CLASP1: variants seen among roughly 807,000 people sequenced by gnomAD.
CLASP1 encodes the protein CLIP-associating protein 1.
In CLASP1, 38 loss-of-function variants were observed where a neutral mutation model predicts 192.3. The observed-to-expected ratio is 0.20, with a 90% confidence interval of 0.15 to 0.26. The LOEUF (loss-of-function observed/expected upper bound fraction) is 0.26, where lower values mean the gene tolerates loss of function less well. Ranked by LOEUF, CLASP1 falls within the 10% of genes least tolerant of loss-of-function variation. The pLI, the probability that CLASP1 is intolerant of heterozygous loss-of-function variation, is 1.00. For synonymous variants in CLASP1, 691 were observed against 712.8 expected, an observed-to-expected ratio of 0.97 and a Z score of 0.49; for missense variants, 1,433 against 1,932.5, an observed-to-expected ratio of 0.74 and a Z score of 4.85.
At position 121,633,028 on chromosome 2, in the gene CLASP1, A is replaced by ATATATATATATATATATATATATATATG. The variant is rs71398039; in HGVS notation, c.-286+16343_-286+16344insCATATATATATATATATATATATATATA. Among the ~76,000 whole-genome samples, 738 of 137,140 alleles carry ATATATATATATATATATATATATATATG rather than the reference A, an allele frequency of 5.4e-3. 20 individuals carry two copies. Among genetic ancestry groups the ATATATATATATATATATATATATATATG allele is most frequent in the African/African-American group, 9.4e-3 (322 of 34,112 alleles). The allele number at this position is 137,140 out of a possible 152,430, so 90.0% of individuals were successfully genotyped here. ...TGTGCATATATATATATATATATAT[A>ATATATATATATATATATATATATATATG]GGCTTTTTTTCATGAATATAATTAA... On this transcript the variant is annotated intron_variant, in intron 1 of 39. Coordinates refer to ENST00000263710, the Ensembl canonical transcript of CLASP1.
At chr2:121,372,197 C>A (rs927180031) in intron 34 of CLASP1, among the ~76,000 whole-genome samples, 5 of 152,196 alleles carry the variant, frequency 3.3e-5, no homozygotes, top group African/African-American at 1.2e-4. Flanking sequence ...GGAGCCCTTT[C>A]ATTTCATATG....
At chr2:121,632,179 G>C (rs2069818851) in intron 1 of CLASP1, among the ~76,000 whole-genome samples, 1 of 152,210 alleles carries the variant, frequency 6.6e-6, no homozygotes, top group Non-Finnish European at 1.5e-5. Context: ...GGGAGGCAGA[G>C]GTTGCAGTGA....
intron 1 of CLASP1, among the ~76,000 whole-genome samples, chr2:121,638,571 A>G (rs377760347): frequency 1.3e-5 from 2 of 152,344 alleles, no homozygotes; most frequent in East Asian, 3.9e-4. Context: ...GAGCAGAAAC[A>G]AGCCAACGTC....
exon 17 of CLASP1, chr2:121,448,995 G>C: frequency 6.2e-7 from 1 of 1,613,954 alleles, no homozygotes; most frequent in Non-Finnish European, 8.5e-7. Context: ...GTCTGACTGA[G>C]GCAGAGACAC....
chr2:121,458,529 C>T lies in CLASP1; in HGVS notation c.1314+311G>A, dbSNP rs774981598. The stretch of plus-strand genomic sequence containing the variant: ...AGGAGGTAAGACTAAGAGTAATATC[C>T]GAGTAACAAGAATACAATATAAACT... On this transcript the variant is annotated intron_variant, in intron 13 of 39. Coordinates refer to ENST00000263710, the Ensembl canonical transcript of CLASP1. Among the ~76,000 whole-genome samples the T allele has an allele frequency of 5.3e-5, 8 of 152,018 alleles. No individual in the cohort carries two copies. In the East Asian group the frequency reaches 7.7e-4, roughly 15 times the overall value.
intron 6 of CLASP1, among the ~76,000 whole-genome samples, chr2:121,523,096 G>A (rs2094494134): frequency 6.6e-6 from 1 of 152,226 alleles, no homozygotes; most frequent in African/African-American, 2.4e-5. Context: ...GGCTCAAGAT[G>A]CAAGTGACCC....
chr2:121,430,174 C>A, exon 20 of CLASP1: 1 of 1,562,384 alleles, frequency 6.4e-7, no homozygotes, highest in Non-Finnish European at 8.7e-7. Flanking sequence ...TGTGCGGATC[C>A]GACCTGGAGG....
intron 14 of CLASP1, among the ~76,000 whole-genome samples, chr2:121,454,922 T>C (rs2086299215): frequency 6.6e-6 from 1 of 152,216 alleles, no homozygotes; most frequent in African/African-American, 2.4e-5. Context: ...TACGTAATGA[T>C]TGTGAATCCT....
At chr2:121,342,992 G>A (rs577744937) in intron 39 of CLASP1, among the ~76,000 whole-genome samples, 1 of 152,122 alleles carries the variant, frequency 6.6e-6, no homozygotes, top group Admixed American at 6.5e-5. Context: ...GGAGCTTCTG[G>A]CCTCAAGTGA....
At chr2:121,536,692 G>A (rs10084185) in intron 2 of CLASP1, among the ~76,000 whole-genome samples, 18,676 of 152,200 alleles carry the variant, frequency 0.12, 1,530 homozygotes, top group African/African-American at 0.22. Context: ...CAGTCACAAA[G>A]ACAAATATTG....
At chr2:121,609,356 G>C (rs764350004) in intron 1 of CLASP1, among the ~76,000 whole-genome samples, 9 of 152,112 alleles carry the variant, frequency 5.9e-5, no homozygotes, top group Non-Finnish European at 1.2e-4. Context: ...CTCAAAAACA[G>C]GTCACAAATT....
intron 37 of CLASP1, among the ~76,000 whole-genome samples, chr2:121,352,570 G>C (rs1173980095): frequency 6.6e-6 from 1 of 152,208 alleles, no homozygotes; most frequent in African/African-American, 2.4e-5. Flanking sequence ...GAGAAGCACA[G>C]GAGACAAACC....
At chr2:121,570,630 G>A (rs2059902223) in intron 2 of CLASP1, among the ~76,000 whole-genome samples, 1 of 152,230 alleles carries the variant, frequency 6.6e-6, no homozygotes, top group Non-Finnish European at 1.5e-5. Flanking sequence ...GAGAGGGTGA[G>A]TGTATCAATA....
chr2:121,543,715 C>A (rs2095276842), intron 2 of CLASP1, among the ~76,000 whole-genome samples: 1 of 152,092 alleles, frequency 6.6e-6, no homozygotes, highest in Non-Finnish European at 1.5e-5. Context: ...TTCTCTAAAC[C>A]CCAATCTGAA....
intron 36 of CLASP1, chr2:121,364,268 C>A (rs1263092307): frequency 6.6e-6 from 1 of 152,394 alleles, no homozygotes; most frequent in Non-Finnish European, 1.5e-5. Context: ...TGGCCTGCCA[C>A]CTCCTGGCAA....
At chr2:121,418,717 C>T (rs763851949) in exon 23 of CLASP1, 9 of 1,612,636 alleles carry the variant, frequency 5.6e-6, no homozygotes, top group South Asian at 2.2e-5. Context: ...TCGAGGGATA[C>T]GGCTGCTCCG....
chr2:121,377,705 T>C, intron 33 of CLASP1, 56 bp from the exon 35 acceptor site: 2 of 1,222,326 alleles, frequency 1.6e-6, no homozygotes, highest in South Asian at 3.2e-5. Context: ...AGAACTGAGA[T>C]ATGGGCATAA....
At chr2:121,629,990 C>T (rs1158074103) in intron 1 of CLASP1, among the ~76,000 whole-genome samples, 3 of 151,838 alleles carry the variant, frequency 2.0e-5, no homozygotes, top group Admixed American at 6.6e-5. Context: ...ATGCAATCTT[C>T]GCTCACTGCA....
chr2:121,583,122 C>T (rs1559680248), intron 2 of CLASP1, among the ~76,000 whole-genome samples: 1 of 152,184 alleles, frequency 6.6e-6, no homozygotes, highest in Non-Finnish European at 1.5e-5. Context: ...AATACCAAGC[C>T]AGTGCCCAGT....
Sources: allele counts gnomAD v4.1 joint callset (sites outside exome capture counted in the v4.1 genomes callset), GRCh38; gene constraint gnomAD v4.1.1; transcripts MANE v1.5; gene names NCBI Gene and HGNC (gene_info 2026-07-23, HGNC 2026-07-21).